The following MDGA2 variants were observed in gnomAD, a reference collection of about 807,000 sequenced individuals.
MDGA2 encodes MAM domain containing glycosylphosphatidylinositol anchor 2.
In MDGA2, 40 loss-of-function variants were observed where a neutral mutation model predicts 117.8. The observed-to-expected ratio is 0.34, with a 90% confidence interval of 0.26 to 0.44. The LOEUF is 0.44. Ranked by LOEUF, MDGA2 falls within the 20% of genes least tolerant of loss-of-function variation. The pLI is 1.00. For missense variants in MDGA2, 1,123 were observed against 1,250.6 expected (o/e 0.90, Z 1.54); for synonymous variants, 452 against 439.0 (o/e 1.03, Z -0.37).
chr14:47,557,516 A>C (rs1895707043), intron 1 of MDGA2, among the ~76,000 whole-genome samples: 2 of 152,206 alleles, frequency 1.3e-5, no homozygotes, highest in South Asian at 4.1e-4. Context: ...GGTCTTTAAG[A>C]ACCAGAGAAA....
At chr14:47,658,162 AAC>A (rs911790875) in intron 1 of MDGA2, among the ~76,000 whole-genome samples, 2 of 150,264 alleles carry the variant, frequency 1.3e-5, no homozygotes, top group African/African-American at 2.4e-5. Flanking sequence ...GCAGGCAAAG[AAC>A]AAAGTCACTT....
At chr14:47,581,799 A>G (rs748485457) in intron 1 of MDGA2, among the ~76,000 whole-genome samples, 1 of 151,968 alleles carries the variant, frequency 6.6e-6, no homozygotes, top group Non-Finnish European at 1.5e-5. Flanking sequence ...TTACCATTAT[A>G]AGTCTCTGAA....
intron 10 of MDGA2, among the ~76,000 whole-genome samples, chr14:46,891,755 C>A (rs1882892661): frequency 6.6e-6 from 1 of 150,880 alleles, no homozygotes; most frequent in African/African-American, 2.4e-5. Flanking sequence ...ATATAAAATT[C>A]TAGTAACTAC....
chr14:46,841,854 G>T lies in MDGA2; in HGVS notation c.*77C>A. The T allele has an allele frequency of 2.0e-6, 2 of 990,860 alleles. No individual in the cohort carries two copies. Among genetic ancestry groups the T allele is most frequent in the Non-Finnish European group, 3.0e-6 (2 of 656,874 alleles). The allele number at this position is 990,860 out of a possible 1,614,324, so 61.4% of individuals were successfully genotyped here. ...TGGAGGAATCTTTGGTAGTTTGTTTGTTCAATGTCCATTTACAAAGACTCT... is the reference window on the plus strand; with the variant it reads ...TGGAGGAATCTTTGGTAGTTTGTTTTTTCAATGTCCATTTACAAAGACTCT... On this transcript the variant is annotated 3_prime_UTR_variant, in exon 17 of 17. Transcript: ENST00000399232.
chr14:47,481,087 C>A (rs1404560175), intron 1 of MDGA2, among the ~76,000 whole-genome samples: 11 of 151,866 alleles, frequency 7.2e-5, no homozygotes, highest in Non-Finnish European at 1.6e-4. Flanking sequence ...AATGACATTG[C>A]CACAGCAAAT....
chr14:46,921,290 T>C (rs1483364352), intron 9 of MDGA2, among the ~76,000 whole-genome samples: 1 of 152,136 alleles, frequency 6.6e-6, no homozygotes, highest in East Asian at 1.9e-4. Context: ...TTAACATCTT[T>C]TCTTTTTTTC....
At chr14:46,963,755 A>C (rs979063370) in intron 8 of MDGA2, among the ~76,000 whole-genome samples, 1 of 151,620 alleles carries the variant, frequency 6.6e-6, no homozygotes, top group African/African-American at 2.4e-5. Context: ...CTCTTTGTTC[A>C]TATCTTGTTT....
At chr14:46,955,314 T>C (rs932958552) in intron 9 of MDGA2, among the ~76,000 whole-genome samples, 4 of 152,030 alleles carry the variant, frequency 2.6e-5, no homozygotes, top group Admixed American at 6.6e-5. Context: ...TAGCCCATCA[T>C]AGAAGATGAA....
chr14:47,366,265 C>T (rs1047744213), intron 1 of MDGA2, among the ~76,000 whole-genome samples: 1 of 152,020 alleles, frequency 6.6e-6, no homozygotes, highest in Non-Finnish European at 1.5e-5. Context: ...ATACCAATCC[C>T]CTTTTACATA....
chr14:47,501,262 T>C (rs1281028076), intron 1 of MDGA2, among the ~76,000 whole-genome samples: 1 of 152,128 alleles, frequency 6.6e-6, no homozygotes, highest in East Asian at 1.9e-4. Flanking sequence ...AGTAAATCAG[T>C]TTCTTGACAA....
intron 2 of MDGA2, among the ~76,000 whole-genome samples, chr14:47,256,903 A>G (rs1049731072): frequency 4.0e-5 from 6 of 151,684 alleles, no homozygotes; most frequent in Admixed American, 3.9e-4. Flanking sequence ...AAAGAAGGAA[A>G]GAAAGAAAGA....
chr14:47,117,507 G>A (rs556698490), intron 5 of MDGA2, among the ~76,000 whole-genome samples: 9 of 152,164 alleles, frequency 5.9e-5, no homozygotes, highest in Admixed American at 2.6e-4. Context: ...ACCTAAATGT[G>A]CATCAACTGA....
chr14:47,283,769 C>A (rs1351035906), intron 2 of MDGA2, among the ~76,000 whole-genome samples: 2 of 152,104 alleles, frequency 1.3e-5, no homozygotes, highest in Admixed American at 6.5e-5. Flanking sequence ...CAAAAATTAA[C>A]CACCAGCTTT....
chr14:46,887,035 G>T (rs191642086), intron 10 of MDGA2, among the ~76,000 whole-genome samples: 1 of 152,028 alleles, frequency 6.6e-6, no homozygotes, highest in East Asian at 1.9e-4. Context: ...TAGTAATTTG[G>T]ACACAAATAA....
At chr14:47,594,560 T>C (rs568349244) in intron 1 of MDGA2, among the ~76,000 whole-genome samples, 1 of 152,350 alleles carries the variant, frequency 6.6e-6, no homozygotes, top group South Asian at 2.1e-4. Context: ...TGAAATACTC[T>C]AGGTCCAGTG....
At chr14:47,516,942 A>T (rs1460895870) in intron 1 of MDGA2, among the ~76,000 whole-genome samples, 2 of 152,202 alleles carry the variant, frequency 1.3e-5, no homozygotes, top group Admixed American at 6.5e-5. Flanking sequence ...GAACAAAAAA[A>T]GTGGACACTT....
chr14:47,045,825 C>A (rs553243408), intron 7 of MDGA2, among the ~76,000 whole-genome samples: 60 of 152,004 alleles, frequency 3.9e-4, no homozygotes, highest in African/African-American at 1.2e-3. Context: ...ATTAGCCGGG[C>A]GTGGTGGCGG....
At chr14:47,026,629 G>A (rs184074648) in intron 8 of MDGA2, among the ~76,000 whole-genome samples, 3 of 151,962 alleles carry the variant, frequency 2.0e-5, no homozygotes, top group Non-Finnish European at 2.9e-5. Flanking sequence ...TGTTACAGGG[G>A]AGATGATCAT....
intron 8 of MDGA2, among the ~76,000 whole-genome samples, chr14:47,023,592 A>G (rs1051306326): frequency 2.0e-5 from 3 of 152,216 alleles, no homozygotes; most frequent in African/African-American, 7.2e-5. Context: ...TCAGAATACA[A>G]TATCCTAATT....
Sources: gnomAD v4.1 joint callset for allele counts (sites outside exome capture counted in the v4.1 genomes callset) on GRCh38, gnomAD v4.1.1 for gene constraint, MANE v1.5 for transcripts, NCBI Gene and HGNC (gene_info 2026-07-23, HGNC 2026-07-21) for gene names.